The following ARID2 variants were observed in gnomAD, a reference collection of about 807,000 sequenced individuals.
ARID2 encodes the protein AT-rich interaction domain 2.
In ARID2, 32 loss-of-function variants were observed where a neutral mutation model predicts 184.6. The observed-to-expected ratio is 0.17, with a 90% CI of 0.13 to 0.23. The LOEUF (loss-of-function observed/expected upper bound fraction) is 0.23. ARID2 is among the 10% of genes least tolerant of loss of function. ARID2 has a pLI of 1.00. For missense variants in ARID2, 1,696 were observed against 2,197.6 expected (o/e 0.77, Z 4.56); for synonymous variants, 836 against 772.6 (o/e 1.08, Z -1.36).
chr12:45,841,095 G>GT (rs1943335545), intron 11 of ARID2: 1 of 152,148 alleles, frequency 6.6e-6, no homozygotes, highest in Non-Finnish European at 1.5e-5. Flanking sequence ...AGGTGGGAAT[G>GT]TTTTTTACCA....
intron 3 of ARID2, among the ~76,000 whole-genome samples, chr12:45,772,817 A>G (rs1941901349): frequency 6.6e-6 from 1 of 152,168 alleles, no homozygotes; most frequent in Non-Finnish European, 1.5e-5. Context: ...AGACTTTAAT[A>G]CCCCTCTTTC....
chr12:45,771,263 C>A (rs1054040698), intron 3 of ARID2, among the ~76,000 whole-genome samples: 3 of 150,802 alleles, frequency 2.0e-5, no homozygotes, highest in Admixed American at 6.6e-5. Flanking sequence ...GAGGCTGAGG[C>A]AGGAGAATCG....
chr12:45,744,987 T>G (rs1209879750), intron 3 of ARID2, among the ~76,000 whole-genome samples: 1 of 152,210 alleles, frequency 6.6e-6, no homozygotes, highest in Non-Finnish European at 1.5e-5. Flanking sequence ...ATGTGTGTGT[T>G]TGTGCAGGCA....
At chr12:45,737,110 A>G (rs1057241140) in intron 3 of ARID2, among the ~76,000 whole-genome samples, 1 of 152,212 alleles carries the variant, frequency 6.6e-6, no homozygotes, top group African/African-American at 2.4e-5. Context: ...TATGTTGTGA[A>G]TTGATAATTC....
chr12:45,850,964 T>G lies in ARID2; in HGVS notation c.2841T>G (p.Val947=). The G allele has an allele frequency of 6.2e-7, 1 of 1,614,156 alleles. No homozygotes were observed. Among genetic ancestry groups the G allele is most frequent in the Non-Finnish European group, 8.5e-7 (1 of 1,180,008 alleles). ...QTYAPAIHQI[V]LANPAALPAG... is the part of the protein sequence containing the mutation. ...ATGCACCAGCCATTCACCAAATTGTTCTTGCTAATCCAGCAGCTCTTCCAG... is the reference window on the plus strand; with the variant it reads ...ATGCACCAGCCATTCACCAAATTGTGCTTGCTAATCCAGCAGCTCTTCCAG... Residue 947 remains valine, a synonymous_variant, in exon 15 of 21, where the codon GTT becomes GTG. Transcript: ENST00000334344.
chr12:45,833,374 T>G (rs2138119034), intron 6 of ARID2, among the ~76,000 whole-genome samples: 1 of 152,370 alleles, frequency 6.6e-6, no homozygotes, highest in Non-Finnish European at 1.5e-5. Context: ...GTTCATATTT[T>G]TATATCACTG....
intron 15 of ARID2, among the ~76,000 whole-genome samples, chr12:45,857,588 A>G (rs183852907): frequency 1.3e-5 from 2 of 152,342 alleles, no homozygotes; most frequent in African/African-American, 4.8e-5. Flanking sequence ...AGGAAATGTT[A>G]GAGCTGAAGG....
chr12:45,895,721 G>A (rs960670364), intron 20 of ARID2, among the ~76,000 whole-genome samples: 4 of 152,118 alleles, frequency 2.6e-5, no homozygotes, highest in South Asian at 2.1e-4. Flanking sequence ...TTTTAGTAGC[G>A]ACAGAGTTTC....
intron 20 of ARID2, 105 bp downstream of exon 20, chr12:45,893,826 C>G: frequency 1.9e-6 from 2 of 1,052,990 alleles, no homozygotes; most frequent in South Asian, 4.2e-5. Flanking sequence ...TTTTTCTCAT[C>G]AATTTTGCAA....
intron 2 of ARID2, 87 bp from the exon 3 acceptor site, chr12:45,731,130 C>T (rs1048623593): frequency 2.1e-6 from 2 of 965,728 alleles, no homozygotes; most frequent in African/African-American, 3.2e-5. Flanking sequence ...ATCTACAGAT[C>T]TCTGTAGAAT....
intron 16 of ARID2, among the ~76,000 whole-genome samples, chr12:45,870,521 C>T (rs1040337368): frequency 4.6e-5 from 7 of 152,106 alleles, no homozygotes; most frequent in Admixed American, 6.6e-5. Flanking sequence ...TTGACAAATG[C>T]GTAATGTCAT....
intron 3 of ARID2, among the ~76,000 whole-genome samples, chr12:45,785,752 T>A (rs776506769): frequency 6.6e-5 from 10 of 152,072 alleles, no homozygotes; most frequent in Non-Finnish European, 1.3e-4. Flanking sequence ...TCCAAAAAAA[T>A]TCAAAATCTG....
chr12:45,904,093 A>G (rs976849512), intron 20 of ARID2, among the ~76,000 whole-genome samples: 12 of 152,138 alleles, frequency 7.9e-5, no homozygotes, highest in Admixed American at 7.2e-4. Flanking sequence ...CTCATTATAT[A>G]GATAGCCACA....
intron 3 of ARID2, among the ~76,000 whole-genome samples, chr12:45,767,141 T>A (rs1224659375): frequency 5.3e-5 from 8 of 152,190 alleles, no homozygotes; most frequent in Non-Finnish European, 7.3e-5. Flanking sequence ...CCTTAATGAC[T>A]AATCATATTG....
chr12:45,894,025 A>G (rs935363314), intron 20 of ARID2: 2 of 203,258 alleles, frequency 9.8e-6, no homozygotes, highest in African/African-American at 2.3e-5. Flanking sequence ...TATTGGGGAA[A>G]ACAAAGGAAT....
At chr12:45,766,548 C>G (rs903352546) in intron 3 of ARID2, among the ~76,000 whole-genome samples, 1 of 151,414 alleles carries the variant, frequency 6.6e-6, no homozygotes, top group Non-Finnish European at 1.5e-5. Flanking sequence ...GAATCTTGCT[C>G]TGTCACCCTG....
chr12:45,899,681 T>TTATA lies in ARID2; in HGVS notation c.5364-5245_5364-5242dup, dbSNP rs1248358845. ...TATATATATATATGGTTATATATGG[T>TTATA]TATATATATATGGTTATATATATAT... On this transcript the variant is annotated intron_variant, in intron 20 of 20. Transcript: ENST00000334344. Among the ~76,000 whole-genome samples the TTATA allele has an allele frequency of 9.3e-4, 51 of 54,814 alleles. 1 individual carries two copies. Among genetic ancestry groups the TTATA allele is most frequent in the Non-Finnish European group, 1.8e-3 (44 of 23,806 alleles). The allele number at this position is 54,814 out of a possible 152,430, so 36.0% of individuals were successfully genotyped here. A position where few individuals can be genotyped will look rare whatever the true frequency, so the allele number is the denominator to read the frequency against.
intron 3 of ARID2, 59 bp downstream of exon 3, chr12:45,731,373 T>C: frequency 7.6e-7 from 1 of 1,312,378 alleles, no homozygotes; most frequent in Non-Finnish European, 1.1e-6. Context: ...GAGAGATTTG[T>C]TTTTAGCAAA....
chr12:45,839,866 A>C (rs577382292), intron 11 of ARID2: 1 of 177,732 alleles, frequency 5.6e-6, no homozygotes, highest in South Asian at 1.4e-4. Context: ...TGATTTTCTC[A>C]GGTGATCATC....
Sources: allele counts gnomAD v4.1 joint callset (sites outside exome capture counted in the v4.1 genomes callset), GRCh38; gene constraint gnomAD v4.1.1; transcripts MANE v1.5; gene names NCBI Gene and HGNC (gene_info 2026-07-23, HGNC 2026-07-21).